Variants in MOBP observed in about 807,000 individuals in gnomAD.
MOBP encodes myelin associated oligodendrocyte basic protein, also known as myelin-associated oligodendrocyte basic protein.
A neutral mutation model predicts 15.0 loss-of-function variants in MOBP; 5 were observed. That is an observed-to-expected ratio of 0.33 (90% CI 0.17 to 0.70). The LOEUF is 0.70. MOBP is among the 30% of genes least tolerant of loss of function. MOBP has a pLI of 0.67. For missense variants in MOBP, 188 were observed against 257.8 expected (o/e 0.73, Z 1.85); for synonymous variants, 88 against 99.0 (o/e 0.89, Z 0.66).
At chr3:39,491,561 C>T (rs905456278) in intron 2 of MOBP, among the ~76,000 whole-genome samples, 16 of 152,196 alleles carry the variant, frequency 1.1e-4, no homozygotes, top group African/African-American at 3.6e-4. Context: ...TTCTTAATTT[C>T]AAATGGACTG....
intron 2 of MOBP, among the ~76,000 whole-genome samples, chr3:39,485,926 C>A (rs1284938744): frequency 7.0e-6 from 1 of 142,782 alleles, no homozygotes; most frequent in African/African-American, 2.9e-5. Flanking sequence ...TATTATTTCC[C>A]TGTTTGTCTA....
chr3:39,513,700 C>A, exon 5 of MOBP: 1 of 423,308 alleles, frequency 2.4e-6, no homozygotes, highest in Non-Finnish European at 4.2e-6. Flanking sequence ...CTTTTTGTTT[C>A]ACCTGCAGTC....
At chr3:39,512,237 G>C (rs920139602) in intron 4 of MOBP, among the ~76,000 whole-genome samples, 4 of 152,128 alleles carry the variant, frequency 2.6e-5, no homozygotes, top group Non-Finnish European at 1.5e-5. Context: ...TATTACCTAG[G>C]ATGCCACAGT....
At chr3:39,510,568 C>G (rs1341382124) in intron 4 of MOBP, among the ~76,000 whole-genome samples, 2 of 151,954 alleles carry the variant, frequency 1.3e-5, no homozygotes, top group Admixed American at 6.6e-5. Context: ...TTGGTGATAT[C>G]AAAAATAGCA....
chr3:39,504,369 C>T (rs1295489114), downstream of MOBP, among the ~76,000 whole-genome samples: 2 of 152,212 alleles, frequency 1.3e-5, no homozygotes, highest in South Asian at 2.1e-4. Flanking sequence ...GGAGTTCAAT[C>T]AGGACATGGA....
chr3:39,493,281 G>A (rs552888872), intron 2 of MOBP, among the ~76,000 whole-genome samples: 1 of 152,296 alleles, frequency 6.6e-6, no homozygotes, highest in African/African-American at 2.4e-5. Context: ...GTTACATAGA[G>A]CTTAATGCCA....
intron 3 of MOBP, among the ~76,000 whole-genome samples, chr3:39,522,586 C>G (rs1292109571): frequency 1.3e-5 from 2 of 152,214 alleles, no homozygotes; most frequent in Non-Finnish European, 2.9e-5. Context: ...ACTTGGCTTA[C>G]TTTCTACTCT....
exon 5 of MOBP, chr3:39,515,395 G>A (rs1488525126): frequency 1.3e-5 from 2 of 152,192 alleles, no homozygotes; most frequent in African/African-American, 4.8e-5. Flanking sequence ...GGATTGAAGA[G>A]TGAAAAGATG....
At chr3:39,474,910 G>A (rs139614627) in intron 1 of MOBP, among the ~76,000 whole-genome samples, 13 of 152,154 alleles carry the variant, frequency 8.5e-5, no homozygotes, top group South Asian at 4.1e-4. Context: ...AACATCTTAC[G>A]TAACTGTGTA....
exon 5 of MOBP, chr3:39,513,527 G>GT: frequency 4.2e-6 from 5 of 1,194,662 alleles, no homozygotes; most frequent in Non-Finnish European, 6.1e-6. Context: ...TATTATGCAG[G>GT]GGCAAACACC....
At chr3:39,509,215 A>G (rs547732847) in intron 4 of MOBP, among the ~76,000 whole-genome samples, 77 of 152,302 alleles carry the variant, frequency 5.1e-4, no homozygotes, top group African/African-American at 1.8e-3. Context: ...TTATGTGAAC[A>G]TAAGTTTTCC....
At chr3:39,475,492 TGTGGTACTCTAATA>T (rs1414263263) in intron 1 of MOBP, among the ~76,000 whole-genome samples, 1 of 152,216 alleles carries the variant, frequency 6.6e-6, no homozygotes, top group Non-Finnish European at 1.5e-5. Context: ...AAATTATTAT[TGTGGTACTCTAATA>T]GTGATTTTCT....
At chr3:39,494,782 G>C (rs1407438798) in intron 2 of MOBP, among the ~76,000 whole-genome samples, 17 of 85,918 alleles carry the variant, frequency 2.0e-4, no homozygotes, top group African/African-American at 3.7e-4. Flanking sequence ...TATTTTCAAA[G>C]CCCCCCCCCG....
exon 5 of MOBP, chr3:39,513,962 C>T (rs944774393): frequency 6.5e-6 from 1 of 153,362 alleles, no homozygotes; most frequent in African/African-American, 2.4e-5. Context: ...CCATAATTGG[C>T]TCTGGGGAAG....
intron 2 of MOBP, among the ~76,000 whole-genome samples, chr3:39,487,039 C>G (rs929680998): frequency 6.6e-6 from 1 of 150,630 alleles, no homozygotes; most frequent in Non-Finnish European, 1.5e-5. Flanking sequence ...CTCCCAGGCT[C>G]AAGAGATCCT....
downstream of MOBP, among the ~76,000 whole-genome samples, chr3:39,519,327 T>C (rs999589956): frequency 6.6e-6 from 1 of 152,226 alleles, no homozygotes; most frequent in African/African-American, 2.4e-5. Context: ...GCCTTAGTTT[T>C]CTGCTCATGG....
At position 39,468,936 on chromosome 3, in the gene MOBP, TTG is replaced by T. The variant is rs1553616164; in HGVS notation, c.-89+1202_-89+1203del. 4.4e-4 allele frequency among the ~76,000 whole-genome samples: 24 copies of T among 54,034 alleles called. 1 individual carries two copies. Among genetic ancestry groups the T allele is most frequent in the Admixed American group, 1.2e-3 (7 of 5,920 alleles). The allele number at this position is 54,034 out of a possible 152,430, so 35.4% of individuals were successfully genotyped here. On this transcript the variant is annotated intron_variant, in intron 1 of 3. Transcript: ENST00000684792. ...GAGTGTGTATATATACATATATACA[TTG>T]TGTGTATATATACATATATACATAT... is the stretch of plus-strand genomic sequence containing the variant.
At chr3:39,514,879 C>T (rs1482809760) in exon 5 of MOBP, 1 of 152,422 alleles carries the variant, frequency 6.6e-6, no homozygotes, top group African/African-American at 2.4e-5. Context: ...CCCCTACACA[C>T]AAACACATGC....
downstream of MOBP, among the ~76,000 whole-genome samples, chr3:39,520,048 A>T (rs1363665524): frequency 8.0e-5 from 12 of 149,612 alleles, no homozygotes; most frequent in Non-Finnish European, 1.5e-5. Flanking sequence ...ACCTTTCCAT[A>T]TTCTTATTGC....
Sources: gnomAD v4.1 joint callset for allele counts (sites outside exome capture counted in the v4.1 genomes callset) on GRCh38, gnomAD v4.1.1 for gene constraint, MANE v1.5 for transcripts, NCBI Gene and HGNC (gene_info 2026-07-23, HGNC 2026-07-21) for gene names.